BCL2: variants seen among roughly 807,000 people sequenced by gnomAD.
The protein encoded by BCL2 is BCL2 apoptosis regulator, also known as apoptosis regulator Bcl-2.
BCL2 carries 1 observed loss-of-function variant against 14.2 expected under a neutral mutation model. The ratio of observed to expected loss-of-function variants is 0.07; its 90% CI spans 0.02 to 0.33. The LOEUF is 0.33. Among genes scored for constraint, BCL2 ranks in the 10% least tolerant of loss-of-function variants. The pLI, the probability that BCL2 is intolerant of heterozygous loss-of-function variation, is 0.99. For missense variants in BCL2, 247 were observed against 305.9 expected (o/e 0.81, Z 1.44); for synonymous variants, 151 against 137.2 (o/e 1.10, Z -0.70).
At chr18:63,184,684 T>C (rs1915550844) in intron 2 of BCL2, among the ~76,000 whole-genome samples, 1 of 152,234 alleles carries the variant, frequency 6.6e-6, no homozygotes, top group Non-Finnish European at 1.5e-5. Context: ...AAGCAGAGGC[T>C]TCCTGAAATA....
chr18:63,132,816 A>G (rs1270194613), intron 2 of BCL2, among the ~76,000 whole-genome samples: 1 of 152,252 alleles, frequency 6.6e-6, no homozygotes, highest in African/African-American at 2.4e-5. Flanking sequence ...AAATAAACAC[A>G]TGCTCATTTT....
intron 2 of BCL2, among the ~76,000 whole-genome samples, chr18:63,305,092 T>C (rs1913083580): frequency 6.6e-6 from 1 of 152,228 alleles, no homozygotes; most frequent in African/African-American, 2.4e-5. Flanking sequence ...CACAGGGTCT[T>C]GAGCTGATGG....
intron 2 of BCL2, chr18:63,314,402 C>G (rs1468084324): frequency 6.6e-6 from 1 of 152,218 alleles, no homozygotes; most frequent in Non-Finnish European, 1.5e-5. Context: ...AAACTGCTTG[C>G]TGACTAATGA....
chr18:63,208,662 G>C (rs1909912692), intron 2 of BCL2, among the ~76,000 whole-genome samples: 1 of 152,202 alleles, frequency 6.6e-6, no homozygotes. Context: ...GAAATAAAGG[G>C]GAAGGAGACT....
intron 2 of BCL2, among the ~76,000 whole-genome samples, chr18:63,150,519 C>T (rs925379780): frequency 1.3e-5 from 2 of 149,756 alleles, no homozygotes; most frequent in Admixed American, 6.7e-5. Flanking sequence ...TTGCCATTCC[C>T]CACTTTCTCT....
chr18:63,270,970 G>A (rs2144239340), intron 2 of BCL2, among the ~76,000 whole-genome samples: 1 of 152,174 alleles, frequency 6.6e-6, no homozygotes. Flanking sequence ...CAGGCATGTG[G>A]CCACCACACC....
intron 2 of BCL2, among the ~76,000 whole-genome samples, chr18:63,216,902 C>T (rs954250934): frequency 6.6e-6 from 1 of 152,114 alleles, no homozygotes; most frequent in Admixed American, 6.5e-5. Context: ...TGTGGTTTTC[C>T]TTCTTCTAAC....
intron 2 of BCL2, among the ~76,000 whole-genome samples, chr18:63,310,223 G>T (rs1568266085): frequency 6.6e-6 from 1 of 152,138 alleles, no homozygotes; most frequent in Admixed American, 6.5e-5. Context: ...CCAAAGATAG[G>T]GAGGGCTGTC....
At chr18:63,148,384 C>G (rs1367452474) in intron 2 of BCL2, among the ~76,000 whole-genome samples, 2 of 152,146 alleles carry the variant, frequency 1.3e-5, no homozygotes, top group Non-Finnish European at 2.9e-5. Context: ...GGACAGGGAA[C>G]TGTATCATTT....
chr18:63,171,937 C>T (rs1436202845), intron 2 of BCL2, among the ~76,000 whole-genome samples: 1 of 152,230 alleles, frequency 6.6e-6, no homozygotes. Context: ...GCTATGATCA[C>T]ACCACTGCAC....
intron 2 of BCL2, among the ~76,000 whole-genome samples, chr18:63,267,030 C>T (rs1911852940): frequency 6.6e-6 from 1 of 152,116 alleles, no homozygotes; most frequent in Non-Finnish European, 1.5e-5. Flanking sequence ...AGAGAGTGCT[C>T]CTCAGAAGGA....
chr18:63,230,038 G>A (rs1320340416), intron 2 of BCL2, among the ~76,000 whole-genome samples: 1 of 152,124 alleles, frequency 6.6e-6, no homozygotes, highest in African/African-American at 2.4e-5. Flanking sequence ...ACAAGCTTCA[G>A]CTAATGACAT....
chr18:63,191,110 C>A (rs1443571332), intron 2 of BCL2, among the ~76,000 whole-genome samples: 1 of 152,114 alleles, frequency 6.6e-6, no homozygotes, highest in Non-Finnish European at 1.5e-5. Flanking sequence ...CATTGAGGGG[C>A]ATTTGGGTTG....
intron 2 of BCL2, among the ~76,000 whole-genome samples, chr18:63,301,310 CATA>C (rs5825511): frequency 0.42 from 63,346 of 151,912 alleles, 15,622 homozygotes; most frequent in Non-Finnish European, 0.55. Flanking sequence ...TAATGGCTTA[CATA>C]ATAATGGTTT....
chr18:63,281,895 T>C (rs1457922074), intron 2 of BCL2, among the ~76,000 whole-genome samples: 1 of 152,190 alleles, frequency 6.6e-6, no homozygotes, highest in African/African-American at 2.4e-5. Flanking sequence ...TTTATTTGTG[T>C]TGTTGCTGGT....
intron 2 of BCL2, among the ~76,000 whole-genome samples, chr18:63,238,047 ATG>A (rs1910891100): frequency 6.6e-6 from 1 of 151,990 alleles, no homozygotes; most frequent in African/African-American, 2.4e-5. Context: ...CCAGTAGAGG[ATG>A]CAATCACTTT....
intron 2 of BCL2, among the ~76,000 whole-genome samples, chr18:63,201,549 T>G (rs1472792967): frequency 6.6e-6 from 1 of 152,254 alleles, no homozygotes; most frequent in East Asian, 1.9e-4. Context: ...GTGGCACTAT[T>G]CACAATAGCG....
intron 2 of BCL2, among the ~76,000 whole-genome samples, chr18:63,258,859 G>T (rs1311814906): frequency 6.6e-6 from 1 of 152,150 alleles, no homozygotes; most frequent in Non-Finnish European, 1.5e-5. Context: ...CTATTGACTT[G>T]GATGATTAAG....
intron 2 of BCL2, among the ~76,000 whole-genome samples, chr18:63,192,464 G>A (rs770403566): frequency 2.0e-5 from 3 of 152,122 alleles, no homozygotes; most frequent in East Asian, 1.9e-4. Flanking sequence ...CTAGGATGAC[G>A]GGAAGTATTT....
Sources: gnomAD v4.1 joint callset for allele counts (sites outside exome capture counted in the v4.1 genomes callset) on GRCh38, gnomAD v4.1.1 for gene constraint, MANE v1.5 for transcripts, NCBI Gene and HGNC (gene_info 2026-07-23, HGNC 2026-07-21) for gene names.